Variants in XIST observed in about 807,000 individuals in gnomAD.
The protein encoded by XIST is X inactive specific transcript (non-protein coding).
At chrX:73,825,561 C>T (rs945293680) in exon 6 of XIST, 2 of 514,935 alleles carry the variant, frequency 3.9e-6, no homozygotes, top group Non-Finnish European at 7.0e-6. Flanking sequence ...ACAAATAATA[C>T]ATCAGGGGGT....
chrX:73,821,531 G>C (rs766850941), exon 6 of XIST: 1 of 558,248 alleles, frequency 1.8e-6, no homozygotes, highest in South Asian at 2.2e-5. Flanking sequence ...TGAGGACAAA[G>C]GATTTTGTCC....
At chrX:73,824,440 T>C (rs1427745738) in exon 6 of XIST, 2 of 556,867 alleles carry the variant, frequency 3.6e-6, no homozygotes, top group Non-Finnish European at 6.5e-6. Context: ...GGTATTGCCT[T>C]ATTTTTGGCT....
At chrX:73,826,217 TCA>T in exon 6 of XIST, 1 of 559,351 alleles carries the variant, frequency 1.8e-6, no homozygotes, top group Non-Finnish European at 3.2e-6. Flanking sequence ...GAGCATCTCT[TCA>T]CATTTTTCTC....
At chrX:73,837,521 C>A (rs776918098) in intron 1 of XIST, 1 of 504,611 alleles carries the variant, frequency 2.0e-6, no homozygotes, top group East Asian at 3.7e-5. Context: ...ACAAAAAGAA[C>A]ATTAAGGAAA....
intron 1 of XIST, chrX:73,837,576 T>A (rs1193027621): frequency 2.1e-6 from 1 of 482,837 alleles, no homozygotes. Context: ...TTAATAATAA[T>A]GTATCAATAT....
chrX:73,848,943 A>G (rs1479921727), exon 1 of XIST: 1 of 557,269 alleles, frequency 1.8e-6, no homozygotes. Flanking sequence ...CAGAACCATG[A>G]ATAATTACTA....
At chrX:73,850,764 G>C (rs1569512882) in exon 1 of XIST, 1 of 289,035 alleles carries the variant, frequency 3.5e-6, no homozygotes, top group African/African-American at 3.7e-5. Context: ...GGGTTGGGGG[G>C]TGGGGGGGGA....
At chrX:73,844,699 TA>T (rs777625498) in exon 1 of XIST, 2 of 557,916 alleles carry the variant, frequency 3.6e-6, no homozygotes, top group South Asian at 4.5e-5. Flanking sequence ...TGGACAAATA[TA>T]ATCACACACA....
exon 1 of XIST, chrX:73,852,624 G>T (rs748874095): frequency 1.8e-5 from 9 of 486,994 alleles, no homozygotes; most frequent in Non-Finnish European, 2.9e-5. Context: ...CATAAAGGGT[G>T]TTGGGGGACT....
At chrX:73,841,083 A>G (rs1922577107) in intron 1 of XIST, among the ~76,000 whole-genome samples, 1 of 111,945 alleles carries the variant, frequency 8.9e-6, no homozygotes, top group African/African-American at 3.2e-5. Context: ...CCTCAACGAT[A>G]AAATCATCTC....
At chrX:73,825,519 A>T in exon 6 of XIST, 1 of 515,639 alleles carries the variant, frequency 1.9e-6, no homozygotes, top group Non-Finnish European at 3.5e-6. Flanking sequence ...CAGAAAAGGA[A>T]ACTAGTAGTA....
At chrX:73,841,436 G>GT in exon 1 of XIST, 1 of 554,698 alleles carries the variant, frequency 1.8e-6, no homozygotes. Context: ...AGCTAGTAGG[G>GT]CAAACTGCTC....
chrX:73,822,328 C>T (rs1297153146), exon 6 of XIST: 8 of 551,348 alleles, frequency 1.5e-5, no homozygotes, highest in African/African-American at 9.0e-5. Flanking sequence ...AGAAGAGATA[C>T]GGAGTAGGAA....
chrX:73,837,985 AC>A (rs1352787023), intron 1 of XIST, among the ~76,000 whole-genome samples: 2 of 112,136 alleles, frequency 1.8e-5, no homozygotes, highest in African/African-American at 6.5e-5. Flanking sequence ...TTTTAAAAAA[AC>A]ATTAGCAATT....
chrX:73,848,064 G>A (rs750066435), exon 1 of XIST: 1 of 559,003 alleles, frequency 1.8e-6, no homozygotes, highest in East Asian at 3.2e-5. Context: ...CAGGAAGAGG[G>A]ACAAATGCAA....
chrX:73,839,330 G>A (rs1326639453), intron 1 of XIST, among the ~76,000 whole-genome samples: 1 of 111,355 alleles, frequency 9.0e-6, no homozygotes, highest in Admixed American at 9.6e-5. Context: ...TTTATAAAGG[G>A]AAAAGTCAGA....
chrX:73,844,463 C>A, exon 1 of XIST: 1 of 558,960 alleles, frequency 1.8e-6, no homozygotes, highest in Middle Eastern at 3.1e-4. Flanking sequence ...CCCAGCTATA[C>A]TGCAAAGGGG....
At chrX:73,848,563 G>A (rs1403633935) in exon 1 of XIST, 2 of 557,764 alleles carry the variant, frequency 3.6e-6, no homozygotes, top group African/African-American at 4.4e-5. Flanking sequence ...ATTGTAGCGT[G>A]CAAATAGGAT....
intron 4 of XIST, among the ~76,000 whole-genome samples, chrX:73,830,461 C>T (rs1304243742): frequency 5.3e-5 from 6 of 112,198 alleles, no homozygotes; most frequent in African/African-American, 1.6e-4. Flanking sequence ...TGCCAATTCT[C>T]ACTCGCTAAT....
Sources: gnomAD v4.1 joint callset for allele counts (sites outside exome capture counted in the v4.1 genomes callset) on GRCh38, gnomAD v4.1.1 for gene constraint, MANE v1.5 for transcripts, NCBI Gene and HGNC (gene_info 2026-07-23, HGNC 2026-07-21) for gene names.